The following CSNK1E variants were observed in gnomAD, a reference collection of about 807,000 sequenced individuals.
The protein encoded by CSNK1E is casein kinase I isoform epsilon.
A neutral mutation model predicts 46.1 loss-of-function variants in CSNK1E; 17 were observed. The ratio of observed to expected loss-of-function variants is 0.37; its 90% CI spans 0.25 to 0.55. The LOEUF (loss-of-function observed/expected upper bound fraction) is 0.55, where lower values mean the gene tolerates loss of function less well. Ranked by LOEUF, CSNK1E falls within the 20% of genes least tolerant of loss-of-function variation. CSNK1E has a pLI of 0.82. For missense variants in CSNK1E, 386 were observed against 595.4 expected (o/e 0.65, Z 3.66); for synonymous variants, 241 against 242.6 (o/e 0.99, Z 0.06).
intron 2 of CSNK1E, among the ~76,000 whole-genome samples, chr22:38,304,231 CAGG>C (rs1180462924): frequency 6.6e-6 from 1 of 152,106 alleles, no homozygotes. Context: ...GACACAGCCT[CAGG>C]AGGAGTTCAA....
Position 38,303,508 on chromosome 22 carries a change from C to T in CSNK1E, c.77-260G>A, listed in dbSNP as rs1266527304. Among the ~76,000 whole-genome samples, 1 of 152,154 alleles carries T rather than the reference C, an allele frequency of 6.6e-6. No homozygotes were observed. The highest frequency in any genetic ancestry group is 2.4e-5 in the African/African-American group (1 of 41,418). ...CACAGGTTGGGGCGACAAGAAGGCC[C>T]GATGTGAGTGGGGCAAGGGTCAGGT... On this transcript the variant is annotated intron_variant, in intron 2 of 10. Transcript: ENST00000396832. The surrounding 1 kb of genome is among the most constrained non-coding windows in gnomAD (Gnocchi z 4.7).
chr22:38,316,176 T>C (rs1569085239), intron 1 of CSNK1E, among the ~76,000 whole-genome samples: 1 of 152,018 alleles, frequency 6.6e-6, no homozygotes, highest in Non-Finnish European at 1.5e-5. Flanking sequence ...GTTAAAAAAA[T>C]TAGACAAACT....
At chr22:38,301,370 A>G (rs1418608818) in intron 4 of CSNK1E, among the ~76,000 whole-genome samples, 1 of 152,164 alleles carries the variant, frequency 6.6e-6, no homozygotes, top group Non-Finnish European at 1.5e-5. Flanking sequence ...TGACAGAGGC[A>G]GAACACAAAA....
chr22:38,304,554 C>G (rs562931295), intron 2 of CSNK1E, among the ~76,000 whole-genome samples: 46 of 152,250 alleles, frequency 3.0e-4, no homozygotes, highest in African/African-American at 1.1e-3. Context: ...GACACAGGAG[C>G]AAACAGCCCA....
In CSNK1E at chr22:38,299,797, C is replaced by G. The variant is rs768107880; in HGVS notation, c.736+98G>C. The G allele has an allele frequency of 3.2e-5, 45 of 1,412,202 alleles. No individual in the cohort carries two copies. The Admixed American group carries it at 3.6e-4, about 11-fold the overall frequency. 87.5% of individuals were successfully genotyped at this position (1,412,202 alleles called of 1,614,324 possible). Reference sequence around the variant, plus strand: ...TGCCAGGACTGCAGGCGTGAACCACCGCGCCTAGCCCCAGCGTGGGCTTTG... The same window carrying G: ...TGCCAGGACTGCAGGCGTGAACCACGGCGCCTAGCCCCAGCGTGGGCTTTG... On this transcript the variant is annotated intron_variant, in intron 6 of 10. Coordinates refer to ENST00000396832, the MANE Select transcript of CSNK1E (RefSeq NM_152221.3).
At chr22:38,311,471 C>T (rs1332945168) in intron 2 of CSNK1E, among the ~76,000 whole-genome samples, 1 of 44,734 alleles carries the variant, frequency 2.2e-5, no homozygotes, top group Non-Finnish European at 4.1e-5. Context: ...GTCCCCGCTC[C>T]AGCCATGGGC....
chr22:38,304,221 G>GAGGAGA (rs1178947577), intron 2 of CSNK1E, among the ~76,000 whole-genome samples: 4 of 152,100 alleles, frequency 2.6e-5, no homozygotes, highest in Non-Finnish European at 5.9e-5. Flanking sequence ...AACCCCCAGG[G>GAGGAGA]ACACAGCCTC....
chr22:38,314,530 C>G (rs1260568852), intron 1 of CSNK1E, among the ~76,000 whole-genome samples: 1 of 152,188 alleles, frequency 6.6e-6, no homozygotes, highest in African/African-American at 2.4e-5. Flanking sequence ...AAGTACTGCC[C>G]CTGCCCAGAG....
rs1003847361 is a variant in CSNK1E at position 38,290,801 on chromosome 22, GTTTT to G, written c.*1166_*1169del. On this transcript the variant is annotated 3_prime_UTR_variant, in exon 11 of 11. Transcript: ENST00000396832. ...ACAAAATTCCCCCCAAAGTTCTTCAGTTTTTTTTTTTTCAGTTTTTTAAATTACA... is the reference window on the plus strand; with the variant it reads ...ACAAAATTCCCCCCAAAGTTCTTCAGTTTTTTTTCAGTTTTTTAAATTACA... 1.6e-4 allele frequency: 22 copies of G among 135,966 alleles called. No individual in the cohort carries two copies. The East Asian group carries it at 2.8e-3, about 18-fold the overall frequency. The allele number at this position is 135,966 out of a possible 1,614,324, so 8.4% of individuals were successfully genotyped here.
At chr22:38,296,446 T>C (rs1018969590) in intron 7 of CSNK1E, 3 of 1,484,522 alleles carry the variant, frequency 2.0e-6, no homozygotes, top group Non-Finnish European at 2.7e-6. Context: ...TACTGTTGGG[T>C]AGCATGGGAA....
intron 2 of CSNK1E, among the ~76,000 whole-genome samples, chr22:38,311,189 C>T (rs562829644): frequency 1.2e-4 from 19 of 152,304 alleles, no homozygotes; most frequent in Middle Eastern, 3.4e-3. Context: ...GTATTTTACA[C>T]GCCACGACCT....
upstream of CSNK1E, chr22:38,317,904 C>G (rs1355920783): frequency 6.6e-6 from 1 of 152,228 alleles, no homozygotes; most frequent in Non-Finnish European, 1.5e-5. Flanking sequence ...AGAACACAGG[C>G]CAGGTTGATT....
chr22:38,296,431 C>T (rs2092641012), intron 7 of CSNK1E: 1 of 1,454,642 alleles, frequency 6.9e-7, no homozygotes, highest in Non-Finnish European at 9.1e-7. Flanking sequence ...ACAGGGTGTC[C>T]TGTCTACTGT....
At chr22:38,317,015 G>C (rs944069311) in intron 1 of CSNK1E, 145 bp downstream of exon 1, 2 of 152,038 alleles carry the variant, frequency 1.3e-5, no homozygotes, top group African/African-American at 4.8e-5. Flanking sequence ...GGCGGCGCCC[G>C]GGCTGCCCCC....
rs2075984 is a variant in CSNK1E, at chr22:38,294,883, C to A, written c.886-349G>T. On this transcript the variant is annotated intron_variant, in intron 7 of 10. Coordinates refer to ENST00000396832, the MANE Select transcript of CSNK1E (RefSeq NM_152221.3). The surrounding 1 kb of genome is among the most constrained non-coding windows in gnomAD (Gnocchi z 5.5). The stretch of plus-strand genomic sequence containing the variant: ...CTGGGGCTGGGCCTGCCCTGGCCCC[C>A]CTCTGTGTACCAAGAGCCCTTAACT... Among the ~76,000 whole-genome samples the A allele has an allele frequency of 0.38, 57,568 of 152,084 alleles. 13,369 individuals are homozygous for A. Among genetic ancestry groups the A allele is most frequent in the East Asian group, 0.56 (2,872 of 5,144 alleles).
intron 4 of CSNK1E, among the ~76,000 whole-genome samples, chr22:38,301,436 G>C (rs2092671801): frequency 6.6e-6 from 1 of 151,992 alleles, no homozygotes; most frequent in African/African-American, 2.4e-5. Context: ...TCTTTCCTTT[G>C]ATATTTTTTT....
intron 1 of CSNK1E, 143 bp downstream of exon 1, chr22:38,317,017 G>GCTGCC (rs1353376874): frequency 6.6e-6 from 1 of 152,082 alleles, no homozygotes; most frequent in Non-Finnish European, 1.5e-5. Context: ...CGGCGCCCGG[G>GCTGCC]CTGCCCCCCC....
chr22:38,304,213 C>T (rs541252130), intron 2 of CSNK1E, among the ~76,000 whole-genome samples: 1 of 152,050 alleles, frequency 6.6e-6, no homozygotes, highest in Non-Finnish European at 1.5e-5. Context: ...GCCAGAACAA[C>T]CCCCAGGGAC....
rs116299974 is a variant in CSNK1E at position 38,308,667 on chromosome 22, C to T, written c.76+5415G>A. On this transcript the variant is annotated intron_variant, in intron 2 of 10. Transcript: ENST00000396832. Reference sequence around the variant, plus strand: ...GTTCGGCTTGGTGGGAAGTGCAGCCCCTAGGCTAGAGATGAGCCGGTGTCC... The same window carrying T: ...GTTCGGCTTGGTGGGAAGTGCAGCCTCTAGGCTAGAGATGAGCCGGTGTCC... Among the ~76,000 whole-genome samples, 797 of 152,134 alleles carry T rather than the reference C, an allele frequency of 5.2e-3. 12 individuals carry two copies. Among genetic ancestry groups the T allele is most frequent in the African/African-American group, 0.018 (758 of 41,494 alleles).
Sources: allele counts gnomAD v4.1 joint callset (sites outside exome capture counted in the v4.1 genomes callset), GRCh38; gene constraint gnomAD v4.1.1; non-coding constraint Gnocchi (gnomAD v3.1); transcripts MANE v1.5; gene names NCBI Gene and HGNC (gene_info 2026-07-23, HGNC 2026-07-21).